CNN1: variants seen among roughly 807,000 people sequenced by gnomAD.
CNN1 encodes the protein calponin 1.
CNN1 carries 21 observed loss-of-function variants against 35.3 expected under a neutral mutation model. The ratio of observed to expected loss-of-function variants is 0.60; its 90% CI spans 0.42 to 0.86. The LOEUF (loss-of-function observed/expected upper bound fraction) is 0.86, where lower values mean the gene tolerates loss of function less well. CNN1 is among the 40% of genes least tolerant of loss of function. CNN1 has a pLI of 0.00. For synonymous variants in CNN1, 164 were observed against 161.8 expected (o/e 1.01, Z -0.10); for missense variants, 314 against 400.8 (o/e 0.78, Z 1.85).
intron 2 of CNN1, 135 bp downstream of exon 2, chr19:11,541,332 A>C (rs1972458132): frequency 4.3e-6 from 5 of 1,152,654 alleles, no homozygotes. Flanking sequence ...GCCAGTAATC[A>C]TTGTGCCCAT....
At chr19:11,539,570 G>C in intron 1 of CNN1, 1 of 1,025,200 alleles carries the variant, frequency 9.8e-7, no homozygotes, top group Non-Finnish European at 1.3e-6. Context: ...GGTAAAGCAG[G>C]TACAGCGCTC....
Position 11,546,690 on chromosome 19 carries a change from G to T in CNN1, c.201G>T (p.Leu67=), listed in dbSNP as rs763355259. The T allele has an allele frequency of 6.2e-7, 1 of 1,614,130 alleles. No individual in the cohort carries two copies. Residue 67 remains leucine, a synonymous_variant, in exon 3 of 7, where the codon CTG becomes CTT. Coordinates refer to ENST00000252456, the MANE Select transcript of CNN1 (RefSeq NM_001299.6). ...GIILCEFINK[L]QPGSVKKINE... is the part of the protein sequence containing the mutation. ...CTCTTCTCAGATTCATCAATAAGCT[G>T]CAGCCAGGCTCCGTGAAGAAGATCA...
At chr19:11,548,020 T>G (rs1972630983) in intron 5 of CNN1, 113 bp downstream of exon 5, 1 of 715,188 alleles carries the variant, frequency 1.4e-6, no homozygotes, top group Admixed American at 3.1e-5. Context: ...GGCCGGGTAC[T>G]GTGCTTATGC....
intron 2 of CNN1, chr19:11,542,020 A>G (rs1417151221): frequency 2.0e-5 from 3 of 147,986 alleles, no homozygotes; most frequent in Non-Finnish European, 3.0e-5. Flanking sequence ...GATTGCAGGC[A>G]CATGCCACCA....
At chr19:11,545,490 G>A (rs1179904649) in intron 2 of CNN1, among the ~76,000 whole-genome samples, 5 of 147,912 alleles carry the variant, frequency 3.4e-5, no homozygotes, top group Non-Finnish European at 6.0e-5. Context: ...GGCAGGGAAG[G>A]TGGAGGGAGG....
intron 2 of CNN1, among the ~76,000 whole-genome samples, chr19:11,546,242 G>A (rs939295998): frequency 6.6e-6 from 1 of 152,202 alleles, no homozygotes; most frequent in African/African-American, 2.4e-5. Flanking sequence ...TGACTGCAGG[G>A]AGAAGTGACG....
intron 5 of CNN1, among the ~76,000 whole-genome samples, chr19:11,548,498 C>T (rs1000334866): frequency 2.0e-5 from 3 of 152,148 alleles, no homozygotes; most frequent in African/African-American, 7.2e-5. Flanking sequence ...ACAATGATTG[C>T]ATCACTGGAC....
chr19:11,549,199 A>T lies in CNN1; in HGVS notation c.502-124A>T. ...CAAGACTCCGTCTCAAAAAAAAATA[A>T]ATAAAATAAAATAAAAATTGAAAAA... On this transcript the variant is annotated intron_variant, in intron 5 of 6. Transcript: ENST00000252456. This position sits in a 1 kb window ranked among gnomAD's most constrained non-coding sequence, Gnocchi z 5.2. The T allele has an allele frequency of 1.8e-6, 2 of 1,113,456 alleles. No individual in the cohort carries two copies. Among genetic ancestry groups the T allele is most frequent in the Non-Finnish European group, 2.5e-6 (2 of 815,728 alleles). The allele number at this position is 1,113,456 out of a possible 1,614,324, so 69.0% of individuals were successfully genotyped here. A position where few individuals can be genotyped will look rare whatever the true frequency, so the allele number is the denominator to read the frequency against.
At chr19:11,544,006 T>G (rs978145459) in intron 2 of CNN1, among the ~76,000 whole-genome samples, 2 of 151,888 alleles carry the variant, frequency 1.3e-5, no homozygotes, top group Non-Finnish European at 2.9e-5. Context: ...CATTTATGAG[T>G]TCCTGCTGTG....
Position 11,549,725 on chromosome 19 carries a change from C to T in CNN1, c.824C>T (p.Thr275Ile). 6.2e-7 allele frequency: 1 copy of T among 1,614,224 alleles called. No individual in the cohort carries two copies. The highest frequency in any genetic ancestry group is 8.5e-7 in the Non-Finnish European group (1 of 1,180,032). The part of the protein sequence containing the change: ...RQVYDPKYCL[T>I]PEYPELGEPA... ...GTCTACGACCCCAAGTACTGTCTGA[C>T]TCCCGAGTACCCAGAGCTGGGTGAG... The change falls in exon 7 of 7, where the codon ACT becomes ATT. Residue 275 changes from threonine (T) to isoleucine (I), a missense_variant. By Grantham distance (89) the Thr-to-Ile change is moderately conservative (BLOSUM62 -1). Coordinates refer to ENST00000252456, the MANE Select transcript of CNN1 (RefSeq NM_001299.6). This position sits in a 1 kb window ranked among gnomAD's most constrained non-coding sequence, Gnocchi z 5.2.
chr19:11,542,245 T>G (rs1016468141), intron 2 of CNN1: 2 of 151,674 alleles, frequency 1.3e-5, no homozygotes, highest in South Asian at 2.1e-4. Flanking sequence ...CGGGCTGGAG[T>G]GCAGTGACAT....
At chr19:11,540,048 C>A (rs1172874107) in intron 1 of CNN1, 1 of 1,042,808 alleles carries the variant, frequency 9.6e-7, no homozygotes, top group East Asian at 1.1e-4. Context: ...TCCCACCTCC[C>A]CCCACTCACC....
rs370744850 is a variant in CNN1 at position 11,546,888 on chromosome 19, C to A, written c.309C>A (p.His103Gln). ...KAITKYGVKP[H>Q]DIFEANDLFE... ...TCACCAAGTATGGGGTGAAGCCCCACGACATTTTTGAGGCCAACGACCTGT... is the reference window on the plus strand; with the variant it reads ...TCACCAAGTATGGGGTGAAGCCCCAAGACATTTTTGAGGCCAACGACCTGT... Residue 103 changes from histidine (H) to glutamine (Q), a missense_variant, in exon 4 of 7, where the codon CAC becomes CAA. Coordinates refer to ENST00000252456, the MANE Select transcript of CNN1 (RefSeq NM_001299.6). The A allele has an allele frequency of 1.2e-6, 2 of 1,614,124 alleles. No individual in the cohort carries two copies. Among genetic ancestry groups the A allele is most frequent in the African/African-American group, 1.3e-5 (1 of 74,950 alleles).
intron 1 of CNN1, chr19:11,540,101 CTGGCTGGG>C: frequency 3.0e-6 from 3 of 998,654 alleles, no homozygotes; most frequent in Non-Finnish European, 3.6e-6. Context: ...GGCTGGGAGC[CTGGCTGGG>C]CTTGGGCGGA....
rs1972682750 is a variant in CNN1, at chr19:11,549,868, G to T, written c.*73G>T. ...TCTTGGCTGGACCCAGCCAGGCCCA[G>T]CCGACCCCCTCTCCCTGCATGGCAT... On this transcript the variant is annotated 3_prime_UTR_variant, in exon 7 of 7. Coordinates refer to ENST00000252456, the MANE Select transcript of CNN1 (RefSeq NM_001299.6). This position sits in a 1 kb window ranked among gnomAD's most constrained non-coding sequence, Gnocchi z 5.2. 7.8e-6 allele frequency: 12 copies of T among 1,536,840 alleles called. No homozygotes were observed. The highest frequency in any genetic ancestry group is 1.4e-5 in the African/African-American group (1 of 72,788).
rs1410153565 is a variant in CNN1 at position 11,549,938 on chromosome 19, G to A, written c.*143G>A. The stretch of plus-strand genomic sequence containing the variant: ...TCAACCTCTACAGGGTTAGAGTTTG[G>A]AGAGAGCAGACTGGCGGGGGGCCCA... On this transcript the variant is annotated 3_prime_UTR_variant, in exon 7 of 7. Transcript: ENST00000252456. The surrounding 1 kb of genome is among the most constrained non-coding windows in gnomAD (Gnocchi z 5.2). 1.0e-5 allele frequency: 13 copies of A among 1,275,872 alleles called. No individual in the cohort carries two copies. The highest frequency in any genetic ancestry group is 8.6e-6 in the Non-Finnish European group (8 of 928,632). The allele number at this position is 1,275,872 out of a possible 1,614,324, so 79.0% of individuals were successfully genotyped here. A position where few individuals can be genotyped will look rare whatever the true frequency, so the allele number is the denominator to read the frequency against.
chr19:11,549,808 T>TTCCC lies in CNN1; in HGVS notation c.*15_*18dup, dbSNP rs1208981931. On this transcript the variant is annotated 3_prime_UTR_variant, in exon 7 of 7. Coordinates refer to ENST00000252456, the MANE Select transcript of CNN1 (RefSeq NM_001299.6). The surrounding 1 kb of genome is among the most constrained non-coding windows in gnomAD (Gnocchi z 5.2). The stretch of plus-strand genomic sequence containing the variant: ...CAATTCCGCCTAGGGCCACAAGGCC[T>TTCCC]TCCCTGTTTTCCCCCCAAGGGAGGC... 1 of 1,587,018 alleles carries TTCCC rather than the reference T, an allele frequency of 6.3e-7. No homozygotes were observed. Among genetic ancestry groups the TTCCC allele is most frequent in the South Asian group, 1.1e-5 (1 of 88,062 alleles).
chr19:11,542,449 T>C (rs1972487660), intron 2 of CNN1, among the ~76,000 whole-genome samples: 1 of 151,774 alleles, frequency 6.6e-6, no homozygotes, highest in African/African-American at 2.4e-5. Context: ...CGCCTTAGTC[T>C]CACAAAGTGC....
At chr19:11,540,019 C>G in intron 1 of CNN1, 2 of 1,059,544 alleles carry the variant, frequency 1.9e-6, no homozygotes, top group African/African-American at 3.5e-5. Flanking sequence ...GGGCCAGGGC[C>G]AGGTGAGGGG....
Sources: allele counts gnomAD v4.1 joint callset (sites outside exome capture counted in the v4.1 genomes callset), GRCh38; gene constraint gnomAD v4.1.1; non-coding constraint Gnocchi (gnomAD v3.1); transcripts MANE v1.5; gene names NCBI Gene and HGNC (gene_info 2026-07-23, HGNC 2026-07-21).